C3: variants seen among roughly 807,000 people sequenced by gnomAD.
C3 encodes the protein C3 and PZP-like alpha-2-macroglobulin domain-containing protein 1.
A neutral mutation model predicts 207.9 loss-of-function variants in C3; 97 were observed. The ratio of observed to expected loss-of-function variants is 0.47; its 90% CI spans 0.40 to 0.55. C3 has a LOEUF of 0.55. C3 is among the 20% of genes least tolerant of loss of function. C3 has a pLI of 0.00. For synonymous variants in C3, 848 were observed against 857.6 expected (o/e 0.99, Z 0.20); for missense variants, 1,684 against 2,171.7 (o/e 0.78, Z 4.46).
chr19:6,680,136 A>C, intron 36 of C3, 22 bp downstream of exon 36: 1 of 1,366,826 alleles, frequency 7.3e-7, no homozygotes. Context: ...ATCAGACCCC[A>C]GGCCCTAGGT....
intron 19 of C3, 30 bp from the exon 20 acceptor site, chr19:6,697,824 T>G: frequency 3.7e-6 from 6 of 1,603,688 alleles, no homozygotes; most frequent in Non-Finnish European, 5.1e-6. Flanking sequence ...ACACGGAGTG[T>G]CAAGGTCGGG....
intron 33 of C3, chr19:6,682,545 T>G (rs11569584): frequency 0.039 from 14,798 of 377,166 alleles, 361 homozygotes; most frequent in South Asian, 0.053. Context: ...CAGGCAGCCC[T>G]CACTCTGCAT....
intron 23 of C3, among the ~76,000 whole-genome samples, chr19:6,695,549 G>C (rs555759442): frequency 3.0e-4 from 46 of 151,954 alleles, no homozygotes; most frequent in Non-Finnish European, 5.6e-4. Context: ...GCCTGATCTC[G>C]GCTTACTGCA....
At chr19:6,690,788 C>G in intron 26 of C3, 61 bp from the exon 27 acceptor site, 1 of 1,304,966 alleles carries the variant, frequency 7.7e-7, no homozygotes, top group South Asian at 1.2e-5. Context: ...TGGCAGTCAT[C>G]CCCCCTTGCA....
chr19:6,693,190 T>G lies in C3; in HGVS notation c.3231-107A>C, dbSNP rs1918209104. On this transcript the variant is annotated intron_variant, in intron 25 of 40. Transcript: ENST00000245907. ...GGACCAGGGCCTGGCCCAGTTTGCC[T>G]GGTTTGCCTTCCCAGGCCCCAGGAC... 8.6e-6 allele frequency: 12 copies of G among 1,391,974 alleles called. No homozygotes were observed. The South Asian group carries it at 1.4e-4, about 16-fold the overall frequency. The allele number at this position is 1,391,974 out of a possible 1,614,324, so 86.2% of individuals were successfully genotyped here. A position where few individuals can be genotyped will look rare whatever the true frequency, so the allele number is the denominator to read the frequency against.
intron 26 of C3, among the ~76,000 whole-genome samples, chr19:6,691,738 A>G (rs1185419027): frequency 6.6e-6 from 1 of 152,006 alleles, no homozygotes; most frequent in South Asian, 2.1e-4. Context: ...TAATCCCAGC[A>G]CTTTGGGAGG....
Position 6,709,780 on chromosome 19 carries a change from C to T in C3, c.1749G>A (p.Leu583=), listed in dbSNP as rs750385909. 6.2e-6 allele frequency: 10 copies of T among 1,613,944 alleles called. No individual in the cohort carries two copies. The East Asian group carries it at 1.8e-4, about 29-fold the overall frequency. Reference sequence around the variant, plus strand: ...GGGCCCCGTGGTCACCCTCTATCTTCAGGGTCATCTGCTGCCCAGGTACAG... The same window carrying T: ...GGGCCCCGTGGTCACCCTCTATCTTTAGGGTCATCTGCTGCCCAGGTACAG... ...RQPVPGQQMT[L]KIEGDHGARV... is the part of the protein sequence containing the mutation. The change falls in exon 14 of 41, where the codon CTG becomes CTA. Residue 583 remains leucine (L), a synonymous_variant. Transcript: ENST00000245907.
chr19:6,719,253 C>T lies in C3; in HGVS notation c.225G>A (p.Val75=), dbSNP rs1368546728. ...CCATGTGGTTGGTGGCAGGGGTCAG[C>T]ACAGTCTTCTCACTGGACAGCACTA... The part of the protein sequence containing the change: ...KKLVLSSEKT[V]LTPATNHMGN... The change falls in exon 2 of 41, where the codon GTG becomes GTA. Residue 75 remains valine (V), a synonymous_variant. Coordinates refer to ENST00000245907, the MANE Select transcript of C3 (RefSeq NM_000064.4). The surrounding 1 kb of genome is among the most constrained non-coding windows in gnomAD (Gnocchi z 5.4). 1.2e-6 allele frequency: 2 copies of T among 1,614,014 alleles called. No homozygotes were observed. Among genetic ancestry groups the T allele is most frequent in the Admixed American group, 1.7e-5 (1 of 60,010 alleles).
chr19:6,712,815 C>G (rs907261359), intron 9 of C3, among the ~76,000 whole-genome samples, 192 bp from the exon 10 acceptor site: 1 of 152,036 alleles, frequency 6.6e-6, no homozygotes, highest in African/African-American at 2.4e-5. Flanking sequence ...CAGACTGGCA[C>G]AGACTTCATA....
chr19:6,707,731 C>T (rs545271380), intron 15 of C3, 69 bp downstream of exon 15: 1 of 1,604,186 alleles, frequency 6.2e-7, no homozygotes, highest in Non-Finnish European at 8.5e-7. Flanking sequence ...GTTTCCAGAG[C>T]TCTGCTCCCA....
chr19:6,686,619 T>C, intron 28 of C3, 127 bp downstream of exon 28: 1 of 1,014,478 alleles, frequency 9.9e-7, no homozygotes, highest in East Asian at 2.4e-5. Flanking sequence ...ACCTTAGGAC[T>C]ATCCATCTCA....
At position 6,713,447 on chromosome 19, in the gene C3, T is replaced by G. The variant is rs777571948; in HGVS notation, c.836A>C (p.Glu279Ala). 5.6e-6 allele frequency: 9 copies of G among 1,613,844 alleles called. No individual in the cohort carries two copies. The Admixed American group carries it at 6.7e-5, about 12-fold the overall frequency. Residue 279 changes from glutamate to alanine, a missense_variant, in exon 8 of 41, where the codon GAA becomes GCA. By Grantham distance (107) the Glu-to-Ala change is moderately radical. This residue lies in a region of C3 where 1,280 missense variants were observed against 1,739.1 expected (regional missense o/e 0.74). Coordinates refer to ENST00000245907, the MANE Select transcript of C3 (RefSeq NM_000064.4). ...AFVIFGIQDGEQRISLPESLK... is the reference protein window; with the variant it reads ...AFVIFGIQDGAQRISLPESLK... ...GGATTCAGGCAGGGAAATCCTCTGT[T>G]CGCCATCCTGGATCCCGAAGATGAC...
intron 26 of C3, 55 bp downstream of exon 26, chr19:6,692,869 C>T: frequency 6.3e-7 from 1 of 1,592,586 alleles, no homozygotes; most frequent in South Asian, 1.1e-5. Context: ...CGTGTTCATC[C>T]TGCGAGACTC....
intron 26 of C3, among the ~76,000 whole-genome samples, chr19:6,692,390 T>C (rs553286263): frequency 2.6e-5 from 4 of 152,314 alleles, no homozygotes; most frequent in African/African-American, 9.6e-5. Flanking sequence ...GCCACGGGAC[T>C]TTCTAAGAAC....
At chr19:6,678,535 C>A (rs780839437) in intron 38 of C3, 80 bp from the exon 39 acceptor site, 383 of 1,132,410 alleles carry the variant, frequency 3.4e-4, no homozygotes, top group Admixed American at 4.2e-4. Context: ...TGCACCCGGG[C>A]ATGTGGCTCT....
intron 33 of C3, among the ~76,000 whole-genome samples, chr19:6,683,589 T>G (rs1293897077): frequency 6.6e-6 from 1 of 151,604 alleles, no homozygotes; most frequent in African/African-American, 2.4e-5. Context: ...TAGCTGGGAC[T>G]ACAGGCACCC....
intron 26 of C3, 125 bp from the exon 27 acceptor site, chr19:6,690,852 G>A (rs1191958916): frequency 8.1e-6 from 6 of 742,404 alleles, no homozygotes; most frequent in East Asian, 5.4e-5. Context: ...GTGTTACCCC[G>A]CTACCCTAGG....
rs1463340475 is a variant in C3 at position 6,686,217 on chromosome 19, G to C, written c.3717C>G (p.Ala1239=). 2 of 1,614,156 alleles carry C rather than the reference G, an allele frequency of 1.2e-6. No individual in the cohort carries two copies. The highest frequency in any genetic ancestry group is 1.1e-5 in the South Asian group (1 of 91,084). ...AGTCAAAGTCTTTTAGCTGCAGTAGGGCCAAGAGGGCATAGGATGTGGCCT... is the reference window on the plus strand; with the variant it reads ...AGTCAAAGTCTTTTAGCTGCAGTAGCGCCAAGAGGGCATAGGATGTGGCCT... ...NVEATSYALL[A]LLQLKDFDFV... The change falls in exon 29 of 41, where the codon GCC becomes GCG. Residue 1239 remains alanine, a synonymous_variant. Transcript: ENST00000245907.
intron 17 of C3, among the ~76,000 whole-genome samples, chr19:6,706,329 T>G (rs1967773407): frequency 6.6e-6 from 1 of 152,176 alleles, no homozygotes; most frequent in African/African-American, 2.4e-5. Context: ...TGCTCTGCCT[T>G]CAGGCAAGGG....
Sources: gnomAD v4.1 joint callset for allele counts (sites outside exome capture counted in the v4.1 genomes callset) on GRCh38, gnomAD v4.1.1 for gene constraint, gnomAD v4.1.1 regional missense constraint, Gnocchi (gnomAD v3.1) non-coding constraint, MANE v1.5 for transcripts, NCBI Gene and HGNC (gene_info 2026-07-23, HGNC 2026-07-21) for gene names.